Variants in CDC45 observed in about 807,000 individuals in gnomAD.
The protein encoded by CDC45 is cell division cycle 45, also known as cell division control protein 45 homolog.
In CDC45, 54 loss-of-function variants were observed where a neutral mutation model predicts 77.8. The observed-to-expected ratio is 0.69, with a 90% CI of 0.56 to 0.87. The LOEUF (loss-of-function observed/expected upper bound fraction) is 0.87. Ranked by LOEUF, CDC45 falls within the 40% of genes least tolerant of loss-of-function variation. The pLI is 0.00. For synonymous variants in CDC45, 260 were observed against 272.1 expected (o/e 0.96, Z 0.44); for missense variants, 649 against 721.6 (o/e 0.90, Z 1.15).
chr22:19,507,721 G>A, intron 11 of CDC45, 45 bp from the exon 12 acceptor site: 1 of 1,466,180 alleles, frequency 6.8e-7, no homozygotes, highest in Non-Finnish European at 9.4e-7. Context: ...CACCCTGTCG[G>A]TGTGTGGTGA....
In CDC45 at chr22:19,483,870, A is replaced by C; in HGVS notation, c.351A>C (p.Leu117Phe). ...VNVYNDTQIK[L>F]LIKQDDDLEV... ...TTTTGTTTTGAACTTAGATCAAATT[A>C]CTCATTAAACAAGATGATGACCTTG... is the stretch of plus-strand genomic sequence containing the variant. Residue 117 changes from leucine (L) to phenylalanine (F), a missense_variant, in exon 5 of 19, where the codon TTA becomes TTC. Physicochemically the swap from Leu to Phe is conservative, Grantham distance 22 (BLOSUM62 0). Coordinates refer to ENST00000263201, the MANE Select transcript of CDC45 (RefSeq NM_003504.5). 2 of 1,612,038 alleles carry C rather than the reference A, an allele frequency of 1.2e-6. No individual in the cohort carries two copies. The highest frequency in any genetic ancestry group is 1.7e-6 in the Non-Finnish European group (2 of 1,179,354).
At chr22:19,489,329 T>TAA (rs200975026) in intron 5 of CDC45, among the ~76,000 whole-genome samples, 4 of 143,050 alleles carry the variant, frequency 2.8e-5, no homozygotes, top group Admixed American at 2.1e-4. Flanking sequence ...GGTATTGCTT[T>TAA]AAAAAAAAAA....
chr22:19,486,714 G>T (rs1191833206), intron 5 of CDC45, among the ~76,000 whole-genome samples: 2 of 152,028 alleles, frequency 1.3e-5, no homozygotes, highest in Non-Finnish European at 2.9e-5. Flanking sequence ...ACGGAGTCTC[G>T]CTCTGTCGCC....
At chr22:19,484,582 C>G (rs2090036579) in intron 5 of CDC45, among the ~76,000 whole-genome samples, 1 of 150,962 alleles carries the variant, frequency 6.6e-6, no homozygotes, top group African/African-American at 2.5e-5. Flanking sequence ...TCCCATAGCA[C>G]GGAGGGCCAC....
chr22:19,499,652 C>T (rs1325778771), intron 9 of CDC45, among the ~76,000 whole-genome samples: 1 of 152,160 alleles, frequency 6.6e-6, no homozygotes, highest in East Asian at 1.9e-4. Flanking sequence ...GGTGGGCTCC[C>T]CATCTGATAG....
At chr22:19,516,346 G>A in intron 15 of CDC45, 181 bp from the exon 16 acceptor site, 2 of 648,804 alleles carry the variant, frequency 3.1e-6, no homozygotes, top group East Asian at 2.6e-5. Flanking sequence ...TGGACTGGGA[G>A]TTAGACACTG....
At chr22:19,493,144 T>C (rs1427273922) in intron 5 of CDC45, among the ~76,000 whole-genome samples, 1 of 151,954 alleles carries the variant, frequency 6.6e-6, no homozygotes, top group East Asian at 1.9e-4. Flanking sequence ...TTGGCTAGAG[T>C]AGATGGGCTA....
chr22:19,481,136 T>C (rs1376124185), intron 3 of CDC45, 91 bp downstream of exon 3: 1 of 791,368 alleles, frequency 1.3e-6, no homozygotes, highest in Non-Finnish European at 2.1e-6. Flanking sequence ...ATTAAGCGTG[T>C]ATTTAAGTAT....
intron 7 of CDC45, 30 bp from the exon 8 acceptor site, chr22:19,497,356 T>A: frequency 1.2e-6 from 2 of 1,610,728 alleles, no homozygotes; most frequent in Non-Finnish European, 1.7e-6. Context: ...GCCCCTCCCA[T>A]GAGCCTTAGA....
intron 18 of CDC45, among the ~76,000 whole-genome samples, chr22:19,519,135 G>A (rs1002820270): frequency 1.4e-4 from 22 of 152,168 alleles, no homozygotes; most frequent in African/African-American, 5.1e-4. Flanking sequence ...AAGCCCCTGC[G>A]ATCCCTTCAG....
In CDC45 at chr22:19,519,859, G is replaced by C. The variant is rs114988526; in HGVS notation, c.*2-622G>C. 1.5e-3 allele frequency among the ~76,000 whole-genome samples: 232 copies of C among 152,192 alleles called. 1 individual carries two copies. The highest frequency in any genetic ancestry group is 4.4e-3 in the African/African-American group (183 of 41,524). On this transcript the variant is annotated intron_variant, in intron 18 of 18. Coordinates refer to ENST00000263201, the MANE Select transcript of CDC45 (RefSeq NM_003504.5). ...ACATGGGGCCCATTTTGGGCGCGGG[G>C]CTCTGAGTCAGACCCTCGGGGTTTT...
chr22:19,490,514 A>G (rs980425888), intron 5 of CDC45, among the ~76,000 whole-genome samples: 1 of 151,500 alleles, frequency 6.6e-6, no homozygotes, highest in African/African-American at 2.4e-5. Flanking sequence ...AGCTGGGACT[A>G]CAGGCACGTG....
intron 5 of CDC45, among the ~76,000 whole-genome samples, chr22:19,493,555 CT>C (rs2090189948): frequency 6.6e-6 from 1 of 152,168 alleles, no homozygotes; most frequent in Non-Finnish European, 1.5e-5. Flanking sequence ...GGCAGTTTTC[CT>C]CCTCAGCCTC....
intron 6 of CDC45, among the ~76,000 whole-genome samples, chr22:19,495,612 G>A (rs1410597643): frequency 6.6e-6 from 1 of 152,176 alleles, no homozygotes; most frequent in Non-Finnish European, 1.5e-5. Context: ...GAGCCCAGGA[G>A]TTTGAGACCA....
chr22:19,516,481 C>G (rs770027843), intron 15 of CDC45, 46 bp from the exon 16 acceptor site: 1 of 1,487,952 alleles, frequency 6.7e-7, no homozygotes, highest in Non-Finnish European at 9.4e-7. Flanking sequence ...GAGTGTTGAG[C>G]TGGGGCCCAC....
intron 10 of CDC45, among the ~76,000 whole-genome samples, chr22:19,506,985 G>T (rs1933223569): frequency 6.6e-6 from 1 of 152,180 alleles, no homozygotes; most frequent in Admixed American, 6.5e-5. Context: ...CGTGGATGGG[G>T]TCCCAGTGGA....
Position 19,507,757 on chromosome 22 carries a change from T to C in CDC45, c.957-9T>C, listed in dbSNP as rs1933281323. On this transcript the variant is annotated splice_polypyrimidine_tract_variant and intron_variant, in intron 11 of 18. Transcript: ENST00000263201. Reference sequence around the variant, plus strand: ...CCTCACTCATGTGGCTTGGGCTTGCTCTTTCCAGTCTTCCCCTGAAGCAGG... The same window carrying C: ...CCTCACTCATGTGGCTTGGGCTTGCCCTTTCCAGTCTTCCCCTGAAGCAGG... The C allele has an allele frequency of 6.3e-7, 1 of 1,585,578 alleles. No individual in the cohort carries two copies. The highest frequency in any genetic ancestry group is 1.2e-5 in the South Asian group (1 of 86,864).
At chr22:19,489,350 A>G (rs2090120760) in intron 5 of CDC45, among the ~76,000 whole-genome samples, 3 of 151,974 alleles carry the variant, frequency 2.0e-5, no homozygotes, top group African/African-American at 7.2e-5. Flanking sequence ...AAAAAGATAC[A>G]GAACATTTCC....
intron 18 of CDC45, among the ~76,000 whole-genome samples, chr22:19,519,149 G>A (rs1021917772): frequency 2.0e-5 from 3 of 152,220 alleles, no homozygotes; most frequent in African/African-American, 7.2e-5. Context: ...CCTTCAGAAA[G>A]AGCTGGTATT....
Sources: gnomAD v4.1 joint callset for allele counts (sites outside exome capture counted in the v4.1 genomes callset) on GRCh38, gnomAD v4.1.1 for gene constraint, MANE v1.5 for transcripts, NCBI Gene and HGNC (gene_info 2026-07-23, HGNC 2026-07-21) for gene names.